The following GULP1 variants were observed in gnomAD, a reference collection of about 807,000 sequenced individuals.
The protein encoded by GULP1 is PTB domain-containing engulfment adapter protein 1.
A neutral mutation model predicts 40.9 loss-of-function variants in GULP1; 19 were observed. The observed-to-expected ratio is 0.46, with a 90% CI of 0.32 to 0.68. The LOEUF is 0.68. Among genes scored for constraint, GULP1 ranks in the 30% least tolerant of loss-of-function variants. GULP1 has a pLI of 0.03. For synonymous variants in GULP1, 119 were observed against 117.6 expected (o/e 1.01, Z -0.08); for missense variants, 312 against 362.2 (o/e 0.86, Z 1.12).
At chr2:188,481,167 T>C (rs2061418199) in intron 3 of GULP1, among the ~76,000 whole-genome samples, 2 of 151,978 alleles carry the variant, frequency 1.3e-5, no homozygotes, top group South Asian at 4.1e-4. Context: ...TTAGTGATTT[T>C]ACTTTAATTC....
chr2:188,298,373 G>T (rs539476397), intron 1 of GULP1, among the ~76,000 whole-genome samples: 64 of 151,796 alleles, frequency 4.2e-4, no homozygotes, highest in South Asian at 1.7e-3. Context: ...TAATTAGAGG[G>T]TGTTTATGGA....
intron 11 of GULP1, chr2:188,592,881 T>A (rs1703849611): frequency 6.6e-6 from 1 of 152,096 alleles, no homozygotes; most frequent in South Asian, 2.1e-4. Context: ...AAACCAATGG[T>A]TACCTTTAGG....
chr2:188,477,821 T>A (rs1232847055), intron 3 of GULP1, 91 bp downstream of exon 3: 1 of 919,570 alleles, frequency 1.1e-6, no homozygotes, highest in African/African-American at 1.7e-5. Flanking sequence ...TTTCTTGTTG[T>A]CAAACCACCT....
At chr2:188,339,205 G>A (rs1201330523) in intron 1 of GULP1, among the ~76,000 whole-genome samples, 1 of 152,168 alleles carries the variant, frequency 6.6e-6, no homozygotes, top group Non-Finnish European at 1.5e-5. Flanking sequence ...AGCTCACTTT[G>A]AATATCAGTT....
chr2:188,525,498 G>A (rs140082047), intron 5 of GULP1, among the ~76,000 whole-genome samples: 280 of 152,180 alleles, frequency 1.8e-3, no homozygotes, highest in Non-Finnish European at 3.6e-3. Context: ...TTATTGGAAC[G>A]AATTTTATTT....
In GULP1 at chr2:188,395,715, T is replaced by C. The variant is rs563494316; in HGVS notation, c.-45+11826T>C. Among the ~76,000 whole-genome samples the C allele has an allele frequency of 2.0e-5, 3 of 152,202 alleles. No homozygotes were observed. In the South Asian group the frequency reaches 6.2e-4, roughly 32 times the overall value. ...AGTAGTATCTCTAAAGACAAGACTA[T>C]AGTGAATGCTGCTGCTCCTCTGAGT... On this transcript the variant is annotated intron_variant, in intron 2 of 11. Coordinates refer to ENST00000409830, the MANE Select transcript of GULP1 (RefSeq NM_016315.4).
intron 2 of GULP1, among the ~76,000 whole-genome samples, chr2:188,439,804 A>G (rs1462674538): frequency 6.6e-6 from 1 of 152,138 alleles, no homozygotes; most frequent in Non-Finnish European, 1.5e-5. Context: ...AAAAATCAAA[A>G]TGGGAAGTAA....
chr2:188,485,676 G>A (rs967981501), intron 4 of GULP1, among the ~76,000 whole-genome samples: 3 of 151,926 alleles, frequency 2.0e-5, no homozygotes, highest in African/African-American at 4.8e-5. Flanking sequence ...CTTATTTACT[G>A]TATGCCTTTG....
intron 6 of GULP1, among the ~76,000 whole-genome samples, chr2:188,536,397 C>T (rs928852964): frequency 3.3e-5 from 5 of 152,120 alleles, no homozygotes; most frequent in Admixed American, 3.3e-4. Context: ...TTTCATTCTT[C>T]TGCATCTGGC....
At chr2:188,299,307 A>G (rs1295644285) in intron 1 of GULP1, among the ~76,000 whole-genome samples, 1 of 152,144 alleles carries the variant, frequency 6.6e-6, no homozygotes. Flanking sequence ...AGCTAGGGAC[A>G]AGGAGATGTA....
At chr2:188,295,708 CTTTTA>C (rs2034758241) in intron 1 of GULP1, among the ~76,000 whole-genome samples, 1 of 151,942 alleles carries the variant, frequency 6.6e-6, no homozygotes. Context: ...CTAGTCATAG[CTTTTA>C]TTTTTAGACT....
In GULP1 at chr2:188,561,868, C is replaced by T. The variant is rs112894209; in HGVS notation, c.400-7371C>T. Among the ~76,000 whole-genome samples, 651 of 152,212 alleles carry T rather than the reference C, an allele frequency of 4.3e-3. 6 individuals are homozygous for T. Among genetic ancestry groups the T allele is most frequent in the African/African-American group, 0.015 (613 of 41,524 alleles). ...CTTGCCTAGGTTGTACCTCAGCCCC[C>T]GCTACAGGAGCCCCTACTCAGCTTG... On this transcript the variant is annotated intron_variant, in intron 7 of 11. Transcript: ENST00000409830.
chr2:188,421,991 G>A (rs2055491762), intron 2 of GULP1, among the ~76,000 whole-genome samples: 1 of 150,982 alleles, frequency 6.6e-6, no homozygotes, highest in South Asian at 2.1e-4. Context: ...ATATTTTATT[G>A]TACTTATTTA....
intron 1 of GULP1, among the ~76,000 whole-genome samples, chr2:188,376,241 A>G (rs1256671478): frequency 6.6e-6 from 1 of 152,254 alleles, no homozygotes; most frequent in South Asian, 2.1e-4. Flanking sequence ...AAAACACACT[A>G]GACAAATACA....
At chr2:188,520,853 A>G (rs954731556) in intron 4 of GULP1, among the ~76,000 whole-genome samples, 7 of 152,166 alleles carry the variant, frequency 4.6e-5, no homozygotes, top group Admixed American at 4.6e-4. Flanking sequence ...ATTTTAACCA[A>G]CGCTCTAGGT....
chr2:188,350,309 A>G (rs753830262), intron 1 of GULP1, among the ~76,000 whole-genome samples: 1 of 152,148 alleles, frequency 6.6e-6, no homozygotes, highest in African/African-American at 2.4e-5. Flanking sequence ...TTTTAACAAT[A>G]TTAAGTCTAC....
intron 1 of GULP1, chr2:188,293,228 T>C (rs1013937767): frequency 1.3e-5 from 2 of 152,204 alleles, no homozygotes; most frequent in African/African-American, 4.8e-5. Context: ...GTCCTAGTAG[T>C]GTTTCCCAAC....
chr2:188,412,403 G>C (rs2054015403), intron 2 of GULP1, among the ~76,000 whole-genome samples: 1 of 152,128 alleles, frequency 6.6e-6, no homozygotes, highest in Non-Finnish European at 1.5e-5. Context: ...AGTGACCCCA[G>C]CTAACACTGT....
In GULP1 at chr2:188,398,592, A is replaced by C. The variant is rs2051635209; in HGVS notation, c.-45+14703A>C. Among the ~76,000 whole-genome samples, 6 of 152,326 alleles carry C rather than the reference A, an allele frequency of 3.9e-5. 1 individual carries two copies. The South Asian group carries it at 1.2e-3, about 32-fold the overall frequency. ...CCTTTATAAATTAATTACTATTTGAATAAAATGATGAAACCTAGAAAAGTG... is the reference window on the plus strand; with the variant it reads ...CCTTTATAAATTAATTACTATTTGACTAAAATGATGAAACCTAGAAAAGTG... On this transcript the variant is annotated intron_variant, in intron 2 of 11. Transcript: ENST00000409830.
Sources: gnomAD v4.1 joint callset for allele counts (sites outside exome capture counted in the v4.1 genomes callset) on GRCh38, gnomAD v4.1.1 for gene constraint, MANE v1.5 for transcripts, NCBI Gene and HGNC (gene_info 2026-07-23, HGNC 2026-07-21) for gene names.